The following OSBPL10 variants were observed in gnomAD, a reference collection of about 807,000 sequenced individuals.
OSBPL10 encodes the protein oxysterol-binding protein-related protein 10.
A neutral mutation model predicts 81.7 loss-of-function variants in OSBPL10; 49 were observed. The ratio of observed to expected loss-of-function variants is 0.60; its 90% CI spans 0.48 to 0.76. OSBPL10 has a LOEUF of 0.76. Ranked by LOEUF, OSBPL10 falls within the 30% of genes least tolerant of loss-of-function variation. The pLI is 0.00. For synonymous variants in OSBPL10, 419 were observed against 383.6 expected, an observed-to-expected ratio of 1.09 and a Z score of -1.08; for missense variants, 923 against 987.8, an observed-to-expected ratio of 0.93 and a Z score of 0.88.
chr3:31,896,729 G>A (rs1051940951), intron 1 of OSBPL10, among the ~76,000 whole-genome samples: 1 of 152,230 alleles, frequency 6.6e-6, no homozygotes, highest in Non-Finnish European at 1.5e-5. Flanking sequence ...CTTAGAGGGG[G>A]TCACCTCTGG....
At chr3:32,076,849 C>A (rs940172165) in intron 1 of OSBPL10, among the ~76,000 whole-genome samples, 1 of 151,730 alleles carries the variant, frequency 6.6e-6, no homozygotes, top group Admixed American at 6.6e-5. Flanking sequence ...TGGGTTGGGG[C>A]CACAAGGTCA....
chr3:31,998,810 T>C (rs1280994056), intron 2 of OSBPL10, among the ~76,000 whole-genome samples: 1 of 152,190 alleles, frequency 6.6e-6, no homozygotes, highest in Non-Finnish European at 1.5e-5. Flanking sequence ...TTTTCTGCCA[T>C]TGGCTATGGT....
intron 4 of OSBPL10, among the ~76,000 whole-genome samples, chr3:31,807,864 A>G (rs1486605273): frequency 6.6e-6 from 1 of 152,244 alleles, no homozygotes; most frequent in East Asian, 1.9e-4. Context: ...AGGAAGAGGC[A>G]CTGAAGACTA....
Position 31,660,992 on chromosome 3 carries a change from A to C in OSBPL10, c.*1080T>G, listed in dbSNP as rs1405418959. ...GTAAAAAATAAATTAAGCATTCAGCAAAAACCAGATATTTCATTTTTTCCT... is the reference window on the plus strand; with the variant it reads ...GTAAAAAATAAATTAAGCATTCAGCCAAAACCAGATATTTCATTTTTTCCT... On this transcript the variant is annotated 3_prime_UTR_variant, in exon 12 of 12. Transcript: ENST00000396556. 6.5e-6 allele frequency: 1 copy of C among 152,700 alleles called. No individual in the cohort carries two copies. The highest frequency in any genetic ancestry group is 2.4e-5 in the African/African-American group (1 of 41,470). 9.5% of individuals were successfully genotyped at this position (152,700 alleles called of 1,614,324 possible). A position where few individuals can be genotyped will look rare whatever the true frequency, so the allele number is the denominator to read the frequency against.
intron 2 of OSBPL10, among the ~76,000 whole-genome samples, chr3:31,995,939 A>G (rs1413696139): frequency 2.0e-5 from 3 of 152,140 alleles, no homozygotes; most frequent in African/African-American, 7.2e-5. Flanking sequence ...TTGCCACCTG[A>G]CAAAATGCCC....
chr3:31,749,951 C>A (rs1328597787), intron 4 of OSBPL10, among the ~76,000 whole-genome samples: 2 of 152,076 alleles, frequency 1.3e-5, no homozygotes, highest in East Asian at 3.9e-4. Flanking sequence ...GAGGCTAAGG[C>A]GGGTGGATCA....
intron 3 of OSBPL10, among the ~76,000 whole-genome samples, chr3:31,868,073 C>G (rs113265085): frequency 6.0e-5 from 9 of 151,128 alleles, no homozygotes; most frequent in African/African-American, 2.2e-4. Context: ...AAAAAAAAGA[C>G]GGGCAGGACG....
intron 2 of OSBPL10, among the ~76,000 whole-genome samples, chr3:31,992,602 C>A (rs1009374073): frequency 1.3e-5 from 2 of 152,172 alleles, no homozygotes; most frequent in Admixed American, 1.3e-4. Context: ...CTGACTCTGA[C>A]CCTCCTGCAT....
intron 4 of OSBPL10, among the ~76,000 whole-genome samples, chr3:31,780,681 C>G (rs1035409696): frequency 6.6e-6 from 1 of 152,126 alleles, no homozygotes; most frequent in African/African-American, 2.4e-5. Flanking sequence ...CTATGAACAC[C>G]TTTATGTGCA....
intron 1 of OSBPL10, among the ~76,000 whole-genome samples, chr3:31,972,388 CAAAAAGA>C (rs1698589984): frequency 6.6e-6 from 1 of 151,962 alleles, no homozygotes; most frequent in African/African-American, 2.4e-5. Context: ...GACTCTGTCT[CAAAAAGA>C]AAAAAGAAAG....
intron 2 of OSBPL10, among the ~76,000 whole-genome samples, chr3:32,025,765 A>G (rs1699397892): frequency 6.6e-6 from 1 of 152,142 alleles, no homozygotes; most frequent in Admixed American, 6.6e-5. Flanking sequence ...AGTTATTCAT[A>G]ATATTCCCTT....
rs1178514217 is a variant in OSBPL10 at position 31,674,574 on chromosome 3, A to ATAGATAGAT, written c.1727-3600_1727-3592dup. ...GACCCTGTCTCAAATAGATAGACAG[A>ATAGATAGAT]TAGATAGATTAGATAGATAGATAGA... is the stretch of plus-strand genomic sequence containing the variant. On this transcript the variant is annotated intron_variant, in intron 8 of 11. Transcript: ENST00000396556. 2.1e-5 allele frequency among the ~76,000 whole-genome samples: 3 copies of ATAGATAGAT among 145,300 alleles called. No homozygotes were observed. In the East Asian group the frequency reaches 6.1e-4, roughly 30 times the overall value.
chr3:31,914,435 C>T (rs986173972), intron 1 of OSBPL10, among the ~76,000 whole-genome samples: 1 of 152,166 alleles, frequency 6.6e-6, no homozygotes, highest in Non-Finnish European at 1.5e-5. Context: ...TTATGCAGCT[C>T]CAGAAGGATA....
intron 8 of OSBPL10, among the ~76,000 whole-genome samples, chr3:31,683,032 G>A (rs1700692941): frequency 6.6e-6 from 1 of 152,188 alleles, no homozygotes; most frequent in South Asian, 2.1e-4. Context: ...TGAAGAACCA[G>A]TAACACAGAT....
At chr3:31,768,932 T>C (rs1414459828) in intron 4 of OSBPL10, among the ~76,000 whole-genome samples, 3 of 152,124 alleles carry the variant, frequency 2.0e-5, no homozygotes, top group Non-Finnish European at 4.4e-5. Context: ...ACAATGACCA[T>C]TTTTGCCCAT....
intron 2 of OSBPL10, chr3:31,990,245 A>G (rs768988985): frequency 6.2e-7 from 1 of 1,614,086 alleles, no homozygotes; most frequent in Admixed American, 1.7e-5. Context: ...ATTCACCATC[A>G]AGCAATCCAT....
intron 1 of OSBPL10, among the ~76,000 whole-genome samples, chr3:31,935,358 A>G (rs911440083): frequency 6.6e-6 from 1 of 152,024 alleles, no homozygotes; most frequent in Non-Finnish European, 1.5e-5. Flanking sequence ...AACATGTTAA[A>G]CTTTTTTTTT....
At chr3:31,840,591 G>A (rs1470063881) in intron 3 of OSBPL10, among the ~76,000 whole-genome samples, 1 of 152,242 alleles carries the variant, frequency 6.6e-6, no homozygotes, top group Non-Finnish European at 1.5e-5. Context: ...AACACAGGAA[G>A]TCTGGCTAGA....
At chr3:31,818,526 C>T (rs1575564741) in intron 4 of OSBPL10, among the ~76,000 whole-genome samples, 1 of 152,214 alleles carries the variant, frequency 6.6e-6, no homozygotes, top group South Asian at 2.1e-4. Context: ...TAGCACAGCA[C>T]CATAGCAGTT....
Sources: allele counts gnomAD v4.1 joint callset (sites outside exome capture counted in the v4.1 genomes callset), GRCh38; gene constraint gnomAD v4.1.1; transcripts MANE v1.5; gene names NCBI Gene and HGNC (gene_info 2026-07-23, HGNC 2026-07-21).